Variants in DGKB observed in about 807,000 individuals in gnomAD.
The protein encoded by DGKB is diacylglycerol kinase beta, also known as 90 kDa diacylglycerol kinase.
DGKB carries 67 observed loss-of-function variants against 114.3 expected under a neutral mutation model. That is an observed-to-expected ratio of 0.59 (90% confidence interval 0.48 to 0.72). DGKB has a LOEUF of 0.72. Among genes scored for constraint, DGKB ranks in the 30% least tolerant of loss-of-function variants. The probability of loss-of-function intolerance (pLI) is 0.00; values close to 1 mark genes in which losing one functional copy is unlikely to be tolerated. For missense variants in DGKB, 907 were observed against 975.2 expected (o/e 0.93, Z 0.93); for synonymous variants, 398 against 323.1 (o/e 1.23, Z -2.49).
At chr7:14,760,049 T>G (rs1021015522) in intron 2 of DGKB, among the ~76,000 whole-genome samples, 2 of 152,170 alleles carry the variant, frequency 1.3e-5, no homozygotes, top group African/African-American at 4.8e-5. Flanking sequence ...TGGTCGTTTG[T>G]ATATTCTTTG....
chr7:14,375,002 T>C (rs778672618), intron 21 of DGKB, among the ~76,000 whole-genome samples: 12 of 152,220 alleles, frequency 7.9e-5, no homozygotes, highest in Non-Finnish European at 1.2e-4. Context: ...TTCCTACTCA[T>C]CTTTATCCCT....
Position 14,948,064 on chromosome 7 carries a change from ATTT to A in DGKB, c.-188+26629_-188+26631del, listed in dbSNP as rs552210185. Among the ~76,000 whole-genome samples the A allele has an allele frequency of 3.0e-3, 454 of 151,846 alleles. 1 individual carries two copies. The highest frequency in any genetic ancestry group is 6.8e-3 in the Middle Eastern group (2 of 294). ...CAAATTTAAAGTTAATATATTGGCG[ATTT>A]TATTTTCCTTATCTGAAGGGGGCCG... On this transcript the variant is annotated intron_variant, in intron 1 of 4. Coordinates refer to the DGKB transcript ENST00000437998.
At chr7:14,946,908 C>G (rs1471694735) in intron 1 of DGKB, among the ~76,000 whole-genome samples, 1 of 151,310 alleles carries the variant, frequency 6.6e-6, no homozygotes, top group Non-Finnish European at 1.5e-5. Flanking sequence ...CATTTATTAC[C>G]TGATATAAAT....
intron 20 of DGKB, among the ~76,000 whole-genome samples, chr7:14,511,540 A>T (rs1271260630): frequency 6.6e-6 from 1 of 152,180 alleles, no homozygotes; most frequent in African/African-American, 2.4e-5. Flanking sequence ...AGACCACTAA[A>T]ACTTGCTCCA....
chr7:14,969,677 AT>A (rs1787350954), intron 1 of DGKB, among the ~76,000 whole-genome samples: 3 of 152,090 alleles, frequency 2.0e-5, no homozygotes, highest in Non-Finnish European at 4.4e-5. Flanking sequence ...TCCCAAAACC[AT>A]GCATCCCCCA....
chr7:14,694,705 G>A (rs1235125289), intron 8 of DGKB, among the ~76,000 whole-genome samples: 2 of 148,250 alleles, frequency 1.3e-5, no homozygotes, highest in African/African-American at 4.9e-5. Flanking sequence ...TGACTTGCAC[G>A]TAATGTCTTA....
chr7:14,622,763 AC>A lies in DGKB; in HGVS notation c.1168-1270del. Among the ~76,000 whole-genome samples the A allele has an allele frequency of 3.3e-5, 5 of 151,648 alleles. No homozygotes were observed. The Middle Eastern group carries it at 0.014, about 413-fold the overall frequency. The stretch of plus-strand genomic sequence containing the variant: ...AAAGCCAAACTCATCCCTTTTTTTT[AC>A]CCTACTCCAGCTGCACTGGCTTCCT... On this transcript the variant is annotated intron_variant, in intron 14 of 25. Coordinates refer to ENST00000402815, the MANE Select transcript of DGKB (RefSeq NM_001350709.2).
At chr7:14,437,466 G>A (rs946800409) in intron 21 of DGKB, among the ~76,000 whole-genome samples, 12 of 152,014 alleles carry the variant, frequency 7.9e-5, no homozygotes, top group African/African-American at 2.7e-4. Flanking sequence ...CTGACTGTGC[G>A]GAAAATATGC....
At chr7:14,911,764 C>T (rs997607787) in intron 1 of DGKB, among the ~76,000 whole-genome samples, 26 of 152,202 alleles carry the variant, frequency 1.7e-4, no homozygotes, top group South Asian at 6.2e-4. Flanking sequence ...ACTGCGACAA[C>T]GCTGTTTCAT....
chr7:14,719,583 G>T, intron 5 of DGKB, among the ~76,000 whole-genome samples: 1 of 151,780 alleles, frequency 6.6e-6, no homozygotes, highest in Admixed American at 6.6e-5. Flanking sequence ...TAATCAACCA[G>T]GAGCTACTGT....
intron 20 of DGKB, among the ~76,000 whole-genome samples, chr7:14,491,502 T>C (rs1041655245): frequency 6.6e-6 from 1 of 152,088 alleles, no homozygotes; most frequent in African/African-American, 2.4e-5. Flanking sequence ...CAATATGGAT[T>C]ACTGGATAAT....
At chr7:14,832,629 CT>C (rs2128124960) in intron 2 of DGKB, among the ~76,000 whole-genome samples, 1 of 152,130 alleles carries the variant, frequency 6.6e-6, no homozygotes, top group East Asian at 1.9e-4. Flanking sequence ...AAACATGTTT[CT>C]TCTTTGGATT....
At chr7:14,557,604 G>A (rs980749114) in intron 20 of DGKB, among the ~76,000 whole-genome samples, 2 of 151,340 alleles carry the variant, frequency 1.3e-5, no homozygotes, top group African/African-American at 4.9e-5. Context: ...CATCTTCATG[G>A]CTATAATTTT....
chr7:14,474,677 C>A (rs943588655), intron 21 of DGKB, among the ~76,000 whole-genome samples: 9 of 151,908 alleles, frequency 5.9e-5, no homozygotes, highest in Middle Eastern at 3.4e-3. Flanking sequence ...TATTTAAAGT[C>A]ATCTCTCTAA....
At chr7:14,324,653 A>G (rs911181846) in intron 23 of DGKB, among the ~76,000 whole-genome samples, 1 of 152,138 alleles carries the variant, frequency 6.6e-6, no homozygotes, top group African/African-American at 2.4e-5. Flanking sequence ...TACTTTCTAC[A>G]TTTTATAAGA....
intron 1 of DGKB, among the ~76,000 whole-genome samples, chr7:14,951,097 T>C (rs1278758257): frequency 6.6e-6 from 1 of 151,044 alleles, no homozygotes; most frequent in Non-Finnish European, 1.5e-5. Flanking sequence ...AGAAGGTAAC[T>C]TCCTCAGTCT....
chr7:14,832,478 C>A (rs1846556300), intron 2 of DGKB, among the ~76,000 whole-genome samples: 2 of 151,868 alleles, frequency 1.3e-5, no homozygotes, highest in South Asian at 4.1e-4. Flanking sequence ...CATGTGTTCT[C>A]TCTGTCTTTC....
intron 2 of DGKB, among the ~76,000 whole-genome samples, chr7:14,819,607 A>G (rs562549479): frequency 9.7e-4 from 148 of 152,204 alleles, no homozygotes; most frequent in African/African-American, 3.4e-3. Flanking sequence ...TAAAAATAAA[A>G]TAATAATAAT....
intron 23 of DGKB, among the ~76,000 whole-genome samples, chr7:14,190,193 T>C (rs1219384584): frequency 6.6e-6 from 1 of 152,174 alleles, no homozygotes; most frequent in Admixed American, 6.5e-5. Flanking sequence ...TGATCAGCTA[T>C]CTTTTCGGGC....
Sources: allele counts gnomAD v4.1 joint callset (sites outside exome capture counted in the v4.1 genomes callset), GRCh38; gene constraint gnomAD v4.1.1; transcripts MANE v1.5; gene names NCBI Gene and HGNC (gene_info 2026-07-23, HGNC 2026-07-21).